Variants in CA10 observed in about 807,000 individuals in gnomAD.
CA10 encodes the protein carbonic anhydrase 10 (inactive).
CA10 carries 14 observed loss-of-function variants against 44.2 expected under a neutral mutation model. That is an observed-to-expected ratio of 0.32 (90% CI 0.21 to 0.50). The LOEUF is 0.50. CA10 is among the 20% of genes least tolerant of loss of function. The probability of loss-of-function intolerance (pLI) is 0.99; values close to 1 mark genes in which losing one functional copy is unlikely to be tolerated. For synonymous variants in CA10, 159 were observed against 141.6 expected, an observed-to-expected ratio of 1.12 and a Z score of -0.87; for missense variants, 350 against 409.7, an observed-to-expected ratio of 0.85 and a Z score of 1.26.
chr17:51,788,876 C>T (rs1184558376), intron 3 of CA10, among the ~76,000 whole-genome samples: 1 of 152,216 alleles, frequency 6.6e-6, no homozygotes, highest in African/African-American at 2.4e-5. Context: ...GGGATAAAAA[C>T]CTACCTCAAT....
At chr17:52,146,266 T>C (rs1292675459) in intron 1 of CA10, among the ~76,000 whole-genome samples, 1 of 151,610 alleles carries the variant, frequency 6.6e-6, no homozygotes, top group African/African-American at 2.4e-5. Flanking sequence ...AAAAAAAAAA[T>C]AAGATGTGGC....
At chr17:52,140,073 G>T (rs1186222004) in intron 1 of CA10, among the ~76,000 whole-genome samples, 1 of 152,186 alleles carries the variant, frequency 6.6e-6, no homozygotes, top group African/African-American at 2.4e-5. Flanking sequence ...ATCTGTGGTT[G>T]CCTGCACAAG....
intron 2 of CA10, among the ~76,000 whole-genome samples, chr17:52,065,778 G>C (rs1987520002): frequency 6.6e-6 from 1 of 152,156 alleles, no homozygotes; most frequent in Admixed American, 6.5e-5. Flanking sequence ...TCTCTTCCAA[G>C]CTTCCAGGCT....
intron 4 of CA10, among the ~76,000 whole-genome samples, chr17:51,725,053 TAGTC>T (rs1305914637): frequency 1.2e-4 from 18 of 152,198 alleles, no homozygotes; most frequent in Admixed American, 2.6e-4. Context: ...ATTTCACAAA[TAGTC>T]AGCCTGAGAC....
intron 2 of CA10, among the ~76,000 whole-genome samples, chr17:51,997,695 T>G (rs1985285514): frequency 6.6e-6 from 1 of 152,168 alleles, no homozygotes; most frequent in East Asian, 1.9e-4. Flanking sequence ...TTGATTTTTG[T>G]GTGTGTGTAT....
At chr17:51,866,551 C>T (rs530994810) in intron 3 of CA10, among the ~76,000 whole-genome samples, 31 of 152,340 alleles carry the variant, frequency 2.0e-4, no homozygotes, top group African/African-American at 7.2e-4. Flanking sequence ...CTAGCTGATG[C>T]TAAGACCTCT....
intron 4 of CA10, among the ~76,000 whole-genome samples, chr17:51,681,416 C>T (rs1333086004): frequency 6.6e-6 from 1 of 152,174 alleles, no homozygotes; most frequent in African/African-American, 2.4e-5. Flanking sequence ...TTTAGCCATG[C>T]ATAGCATTGG....
At chr17:51,742,185 A>G (rs548999146) in intron 4 of CA10, among the ~76,000 whole-genome samples, 68 of 152,234 alleles carry the variant, frequency 4.5e-4, no homozygotes, top group African/African-American at 1.6e-3. Context: ...GGATGGGGGA[A>G]GGGAGATGGG....
intron 3 of CA10, among the ~76,000 whole-genome samples, chr17:51,875,383 G>T (rs1022940810): frequency 4.7e-4 from 71 of 152,222 alleles, no homozygotes; most frequent in African/African-American, 1.7e-3. Flanking sequence ...TTATTAGAAG[G>T]TTACCAAGTC....
At chr17:51,795,893 T>G (rs1456560101) in intron 3 of CA10, among the ~76,000 whole-genome samples, 1 of 152,170 alleles carries the variant, frequency 6.6e-6, no homozygotes, top group East Asian at 1.9e-4. Context: ...TTTCCAAAAA[T>G]AGATTTTGTG....
intron 3 of CA10, among the ~76,000 whole-genome samples, chr17:51,812,338 A>G (rs1907402911): frequency 1.3e-5 from 2 of 152,330 alleles, no homozygotes; most frequent in South Asian, 2.1e-4. Flanking sequence ...GGTTGCATCT[A>G]TATGGTAGAG....
At chr17:52,086,206 T>C (rs1988113253) in intron 1 of CA10, among the ~76,000 whole-genome samples, 2 of 152,214 alleles carry the variant, frequency 1.3e-5, no homozygotes, top group African/African-American at 4.8e-5. Context: ...AAGATAATGA[T>C]AGTGTTGACA....
chr17:51,826,792 G>A (rs1348522217), intron 3 of CA10, among the ~76,000 whole-genome samples: 2 of 152,186 alleles, frequency 1.3e-5, no homozygotes, highest in Non-Finnish European at 2.9e-5. Flanking sequence ...CCTACTCAGG[G>A]TCTCATTGGT....
At chr17:51,849,250 T>TAC in intron 3 of CA10, among the ~76,000 whole-genome samples, 1 of 136,526 alleles carries the variant, frequency 7.3e-6, no homozygotes, top group Admixed American at 7.6e-5. Flanking sequence ...TATATATATA[T>TAC]ATATATATAT....
intron 4 of CA10, among the ~76,000 whole-genome samples, chr17:51,733,438 G>A (rs772119481): frequency 5.9e-5 from 9 of 152,164 alleles, no homozygotes; most frequent in Admixed American, 1.3e-4. Context: ...AGTGACAAGC[G>A]AGACAGGATT....
At chr17:51,950,853 G>A (rs919515052) in intron 2 of CA10, among the ~76,000 whole-genome samples, 4 of 152,044 alleles carry the variant, frequency 2.6e-5, no homozygotes, top group Non-Finnish European at 5.9e-5. Context: ...ATGGAAAATA[G>A]CCGAGCGCAG....
chr17:51,633,425 A>G (rs756515472), intron 8 of CA10, 51 bp downstream of exon 8: 2 of 1,545,546 alleles, frequency 1.3e-6, no homozygotes, highest in Non-Finnish European at 8.8e-7. Context: ...GTCTAAGCAG[A>G]AAGACTGAGC....
At chr17:51,715,235 A>G (rs1277450184) in intron 4 of CA10, among the ~76,000 whole-genome samples, 1 of 151,466 alleles carries the variant, frequency 6.6e-6, no homozygotes, top group Non-Finnish European at 1.5e-5. Context: ...GGGTGGAGGG[A>G]GGGATAGCAT....
At chr17:52,100,891 C>T (rs1201237122) in intron 1 of CA10, among the ~76,000 whole-genome samples, 1 of 152,130 alleles carries the variant, frequency 6.6e-6, no homozygotes, top group Non-Finnish European at 1.5e-5. Context: ...CTTTGGTAGG[C>T]TTTTTGGAGG....
Sources: allele counts gnomAD v4.1 joint callset (sites outside exome capture counted in the v4.1 genomes callset), GRCh38; gene constraint gnomAD v4.1.1; transcripts MANE v1.5; gene names NCBI Gene and HGNC (gene_info 2026-07-23, HGNC 2026-07-21).